Variants in NCOA6 observed in about 807,000 individuals in gnomAD.
NCOA6 encodes the protein nuclear receptor coactivator 6.
NCOA6 carries 49 observed loss-of-function variants against 171.4 expected under a neutral mutation model. The ratio of observed to expected loss-of-function variants is 0.29; its 90% confidence interval spans 0.23 to 0.36. The LOEUF (loss-of-function observed/expected upper bound fraction) is 0.36. NCOA6 is among the 10% of genes least tolerant of loss of function. The probability of loss-of-function intolerance (pLI) is 1.00; values close to 1 mark genes in which losing one functional copy is unlikely to be tolerated. For missense variants in NCOA6, 2,248 were observed against 2,554.5 expected, an observed-to-expected ratio of 0.88 and a Z score of 2.59; for synonymous variants, 910 against 927.5, an observed-to-expected ratio of 0.98 and a Z score of 0.34.
intron 1 of NCOA6, chr20:34,819,627 T>C (rs1052360820): frequency 1.3e-5 from 2 of 152,146 alleles, no homozygotes; most frequent in Admixed American, 1.3e-4. Flanking sequence ...ACCATTCTGA[T>C]TGACCTGAAA....
At chr20:34,783,990 AG>A (rs2077591308) in intron 2 of NCOA6, among the ~76,000 whole-genome samples, 1 of 152,124 alleles carries the variant, frequency 6.6e-6, no homozygotes, top group Non-Finnish European at 1.5e-5. Flanking sequence ...ATATTATTAA[AG>A]TATTACGAAT....
At chr20:34,747,676 C>G (rs1165402146) in intron 9 of NCOA6, among the ~76,000 whole-genome samples, 1 of 152,152 alleles carries the variant, frequency 6.6e-6, no homozygotes, top group Non-Finnish European at 1.5e-5. Context: ...TGTTCACCCA[C>G]TTTTAGGTAG....
intron 4 of NCOA6, among the ~76,000 whole-genome samples, chr20:34,770,887 C>T (rs1487576415): frequency 6.6e-6 from 1 of 152,060 alleles, no homozygotes; most frequent in Non-Finnish European, 1.5e-5. Flanking sequence ...GTCTTGGCCT[C>T]CCAAAGTGCT....
chr20:34,743,961 G>A lies in NCOA6; in HGVS notation c.2915-620C>T, dbSNP rs538389169. On this transcript the variant is annotated intron_variant, in intron 10 of 14. Coordinates refer to ENST00000359003, the MANE Select transcript of NCOA6 (RefSeq NM_014071.5). Reference sequence around the variant, plus strand: ...ATTCATTGGCTCCATACACTACGCCGCATCCTTCAGGCTTAATCCTTTGGG... The same window carrying A: ...ATTCATTGGCTCCATACACTACGCCACATCCTTCAGGCTTAATCCTTTGGG... Among the ~76,000 whole-genome samples, 10 of 152,254 alleles carry A rather than the reference G, an allele frequency of 6.6e-5. No individual in the cohort carries two copies. The South Asian group carries it at 1.0e-3, about 16-fold the overall frequency.
rs1452502695 is a variant in NCOA6, at chr20:34,759,049, G to A, written c.515-116C>T. ...AATTTGTTTTTTTTTTTTTGACAGGGTCTCGCTCTGTTGCCCAGTCTGCCA... is the reference window on the plus strand; with the variant it reads ...AATTTGTTTTTTTTTTTTTGACAGGATCTCGCTCTGTTGCCCAGTCTGCCA... On this transcript the variant is annotated intron_variant, in intron 5 of 14. Transcript: ENST00000359003. 2.7e-6 allele frequency: 3 copies of A among 1,098,084 alleles called. No individual in the cohort carries two copies. In the African/African-American group the frequency reaches 4.9e-5, roughly 18 times the overall value. 68.0% of individuals were successfully genotyped at this position (1,098,084 alleles called of 1,614,324 possible).
chr20:34,777,061 G>A (rs1006087782), intron 3 of NCOA6, among the ~76,000 whole-genome samples: 4 of 144,446 alleles, frequency 2.8e-5, no homozygotes, highest in African/African-American at 1.0e-4. Flanking sequence ...AGGTTGTGGT[G>A]AGCCAAGACT....
intron 1 of NCOA6, among the ~76,000 whole-genome samples, chr20:34,813,188 G>A (rs2078726213): frequency 6.6e-6 from 1 of 150,884 alleles, no homozygotes; most frequent in Admixed American, 6.6e-5. Flanking sequence ...AAAATAGGCT[G>A]GGTGCAGTGG....
At chr20:34,817,494 G>A (rs1051735368) in intron 1 of NCOA6, among the ~76,000 whole-genome samples, 1 of 152,056 alleles carries the variant, frequency 6.6e-6, no homozygotes, top group East Asian at 1.9e-4. Flanking sequence ...ACCAACTCTA[G>A]GGCTGCATTC....
chr20:34,792,186 A>G (rs1223744847), intron 2 of NCOA6, among the ~76,000 whole-genome samples: 1 of 152,184 alleles, frequency 6.6e-6, no homozygotes, highest in Non-Finnish European at 1.5e-5. Context: ...AATTCTAAAA[A>G]TAAGTATTGT....
chr20:34,817,101 C>G (rs1240708273), intron 1 of NCOA6, among the ~76,000 whole-genome samples: 1 of 141,612 alleles, frequency 7.1e-6, no homozygotes, highest in Non-Finnish European at 1.6e-5. Context: ...CCAGCCTGGG[C>G]AACAGAGTGA....
At chr20:34,798,787 G>A (rs896465565) in intron 1 of NCOA6, among the ~76,000 whole-genome samples, 4 of 152,202 alleles carry the variant, frequency 2.6e-5, no homozygotes, top group Admixed American at 2.6e-4. Context: ...GCCACCTAAT[G>A]TAGATACAAA....
rs1212607481 is a variant in NCOA6, at chr20:34,741,489, G to A, written c.4767C>T (p.Ser1589=). The change falls in exon 11 of 15, where the codon TCC becomes TCT. Residue 1589 remains serine, a synonymous_variant. Transcript: ENST00000359003. ...MSRPVSSSSI[S]TPLPPNQITV... ...TTATTTGATTTGGGGGCAAGGGAGT[G>A]GAAATGGAGGAAGAGCTAACAGGTC... The A allele has an allele frequency of 1.2e-6, 2 of 1,614,184 alleles. No individual in the cohort carries two copies. Among genetic ancestry groups the A allele is most frequent in the South Asian group, 1.1e-5 (1 of 91,084 alleles).
chr20:34,740,744 A>C lies in NCOA6; in HGVS notation c.5512T>G (p.Ser1838Ala), dbSNP rs776500528. 7.1e-5 allele frequency: 115 copies of C among 1,614,026 alleles called. 1 individual carries two copies. In the South Asian group the frequency reaches 1.1e-3, roughly 15 times the overall value. Residue 1838 changes from serine to alanine, a missense_variant, in exon 11 of 15, where the codon TCT becomes GCT. Around this residue, in one of 7 missense-constraint regions of NCOA6, gnomAD observed 884 missense variants for 941.9 expected, o/e 0.94. Coordinates refer to ENST00000359003, the MANE Select transcript of NCOA6 (RefSeq NM_014071.5). ...TATTGTTCTTCCCCTTTCTCAAGAG[A>C]GCCTGTAACTTTCTTACATGCCTTG... is the stretch of plus-strand genomic sequence containing the variant. ...LTKACKKVTG[S>A]LEKGEEQYGA... is the part of the protein sequence containing the mutation.
At chr20:34,779,174 T>A (rs938974234) in intron 3 of NCOA6, among the ~76,000 whole-genome samples, 1 of 152,104 alleles carries the variant, frequency 6.6e-6, no homozygotes, top group African/African-American at 2.4e-5. Flanking sequence ...TGTAGTTACA[T>A]TTTACAGATT....
At chr20:34,791,063 A>G (rs2146321336) in intron 2 of NCOA6, among the ~76,000 whole-genome samples, 1 of 152,282 alleles carries the variant, frequency 6.6e-6, no homozygotes, top group Middle Eastern at 3.4e-3. Context: ...ATGGTTATGA[A>G]GTTTCATTTT....
intron 1 of NCOA6, among the ~76,000 whole-genome samples, chr20:34,801,901 A>G (rs775201406): frequency 1.2e-4 from 18 of 152,142 alleles, no homozygotes; most frequent in African/African-American, 2.4e-4. Context: ...GATCAAAGCC[A>G]TAAGTAAAAG....
At chr20:34,816,377 A>G (rs1011675589) in intron 1 of NCOA6, among the ~76,000 whole-genome samples, 1 of 152,118 alleles carries the variant, frequency 6.6e-6, no homozygotes, top group African/African-American at 2.4e-5. Context: ...CTCCTACTGG[A>G]GTAGGGTGGG....
Position 34,741,803 on chromosome 20 carries a change from T to C in NCOA6, c.4453A>G (p.Arg1485Gly), listed in dbSNP as rs1171961197. The C allele has an allele frequency of 6.2e-7, 1 of 1,614,084 alleles. No individual in the cohort carries two copies. Among genetic ancestry groups the C allele is most frequent in the Non-Finnish European group, 8.5e-7 (1 of 1,180,044 alleles). ...TGACTTAACGATGTTGGTGCTTCCC[T>C]CATAGCAGGAGACACCAAATTTTTG... Reference protein sequence around the residue: ...ENKNLVSPAMREAPTSLSQLL... With the variant: ...ENKNLVSPAMGEAPTSLSQLL... Residue 1485 changes from arginine to glycine, a missense_variant, in exon 11 of 15, where the codon AGG becomes GGG. Around this residue, in one of 7 missense-constraint regions of NCOA6, gnomAD observed 884 missense variants for 941.9 expected, o/e 0.94. Coordinates refer to ENST00000359003, the MANE Select transcript of NCOA6 (RefSeq NM_014071.5).
At chr20:34,756,219 A>G (rs2076636255) in intron 7 of NCOA6, among the ~76,000 whole-genome samples, 1 of 152,260 alleles carries the variant, frequency 6.6e-6, no homozygotes, top group Non-Finnish European at 1.5e-5. Context: ...TACCCAGAAC[A>G]GTGAAATTTG....
Sources: allele counts gnomAD v4.1 joint callset (sites outside exome capture counted in the v4.1 genomes callset), GRCh38; gene constraint gnomAD v4.1.1; regional missense constraint gnomAD v4.1.1; transcripts MANE v1.5; gene names NCBI Gene and HGNC (gene_info 2026-07-23, HGNC 2026-07-21).